The following PHF14 variants were observed in gnomAD, a reference collection of about 807,000 sequenced individuals.
PHF14 encodes PHD finger protein 14.
In PHF14, 55 loss-of-function variants were observed where a neutral mutation model predicts 117.9. The ratio of observed to expected loss-of-function variants is 0.47; its 90% CI spans 0.38 to 0.58. The LOEUF is 0.58. Among genes scored for constraint, PHF14 ranks in the 20% least tolerant of loss-of-function variants. The probability of loss-of-function intolerance (pLI) is 0.00; values close to 1 mark genes in which losing one functional copy is unlikely to be tolerated. For synonymous variants in PHF14, 409 were observed against 368.6 expected (o/e 1.11, Z -1.26); for missense variants, 978 against 1,122.2 (o/e 0.87, Z 1.84).
At position 11,006,759 on chromosome 7, in the gene PHF14, T is replaced by G. The variant is rs995052627; in HGVS notation, c.1046-6988T>G. 1.2e-5 allele frequency: 9 copies of G among 727,236 alleles called. No homozygotes were observed. The African/African-American group carries it at 1.6e-4, about 13-fold the overall frequency. 45.0% of individuals were successfully genotyped at this position (727,236 alleles called of 1,614,324 possible). On this transcript the variant is annotated intron_variant, in intron 4 of 17. Transcript: ENST00000634607. ...GAAGGTGGGTGACATGCGGATCTTC[T>G]TTTTTGGTGGCTGTGGACACCTTTC...
Position 11,077,659 on chromosome 7 carries a change from A to G in PHF14, c.2654+15574A>G, listed in dbSNP as rs118170990. The stretch of plus-strand genomic sequence containing the variant: ...CACACTGTATTTGCATTTTGTGAGT[A>G]TGATTTGGAGAACAGATATACCTCG... On this transcript the variant is annotated intron_variant, in intron 16 of 17. Coordinates refer to ENST00000634607, the MANE Select transcript of PHF14 (RefSeq NM_001007157.2). Among the ~76,000 whole-genome samples, 258 of 150,286 alleles carry G rather than the reference A, an allele frequency of 1.7e-3. 7 individuals are homozygous for G. In the East Asian group the frequency reaches 0.047, roughly 28 times the overall value.
At chr7:11,000,029 A>G (rs1386863952) in intron 4 of PHF14, among the ~76,000 whole-genome samples, 1 of 152,206 alleles carries the variant, frequency 6.6e-6, no homozygotes, top group Non-Finnish European at 1.5e-5. Flanking sequence ...ATTGATGCAT[A>G]AATAGGGAAG....
At chr7:11,042,135 TTTAA>T (rs1323039563) in intron 12 of PHF14, among the ~76,000 whole-genome samples, 2 of 151,980 alleles carry the variant, frequency 1.3e-5, no homozygotes, top group Admixed American at 6.6e-5. Context: ...TACTTTTGAA[TTTAA>T]TTAGTATATT....
At chr7:11,076,192 A>G (rs1051123775) in intron 16 of PHF14, among the ~76,000 whole-genome samples, 39 of 152,240 alleles carry the variant, frequency 2.6e-4, no homozygotes, top group African/African-American at 9.2e-4. Flanking sequence ...TACAGAGTCC[A>G]TGGTTTTAAC....
At chr7:11,045,591 G>A (rs1784637148) in intron 13 of PHF14, among the ~76,000 whole-genome samples, 1 of 152,132 alleles carries the variant, frequency 6.6e-6, no homozygotes, top group South Asian at 2.1e-4. Flanking sequence ...TCCAGTACCA[G>A]CACTGTTTTC....
At chr7:11,139,523 A>G (rs183229517) in intron 17 of PHF14, among the ~76,000 whole-genome samples, 1 of 152,326 alleles carries the variant, frequency 6.6e-6, no homozygotes, top group Admixed American at 6.5e-5. Flanking sequence ...TGAATTTTAT[A>G]TTGTGAGAAA....
At chr7:11,149,750 T>A (rs1457774348) in intron 17 of PHF14, among the ~76,000 whole-genome samples, 1 of 152,140 alleles carries the variant, frequency 6.6e-6, no homozygotes, top group Non-Finnish European at 1.5e-5. Flanking sequence ...CTGATGATTT[T>A]CCTCATGAAT....
chr7:11,045,573 C>G (rs560905937), intron 13 of PHF14, among the ~76,000 whole-genome samples: 1 of 152,296 alleles, frequency 6.6e-6, no homozygotes, highest in Admixed American at 6.5e-5. Flanking sequence ...TGCTATCCAG[C>G]CTTTTCTTCC....
At chr7:11,019,537 C>T (rs768001929) in intron 5 of PHF14, among the ~76,000 whole-genome samples, 4 of 152,122 alleles carry the variant, frequency 2.6e-5, no homozygotes, top group Admixed American at 6.5e-5. Context: ...TATAGTTGCT[C>T]ATAGTAGCTG....
rs1158570824 is a variant in PHF14 at position 10,998,654 on chromosome 7, GT to G, written c.1045+7809del. On this transcript the variant is annotated intron_variant, in intron 4 of 17. Transcript: ENST00000634607. ...ATTCCTGGGAGTAGGTAAAGAATAT[GT>G]TAACTCAGGAGTAGCAGCTACTTTG... Among the ~76,000 whole-genome samples the G allele has an allele frequency of 2.0e-5, 3 of 152,158 alleles. No homozygotes were observed. In the East Asian group the frequency reaches 5.8e-4, roughly 29 times the overall value.
chr7:11,111,634 A>T (rs537319025), intron 17 of PHF14, among the ~76,000 whole-genome samples, 167 bp downstream of exon 17: 1 of 152,118 alleles, frequency 6.6e-6, no homozygotes, highest in Non-Finnish European at 1.5e-5. Flanking sequence ...CTCTTAAATT[A>T]AGGAAAAAAC....
At chr7:11,024,882 C>G (rs57327184) in intron 6 of PHF14, among the ~76,000 whole-genome samples, 4,081 of 152,278 alleles carry the variant, frequency 0.027, 192 homozygotes, top group African/African-American at 0.094. Context: ...ACTTTAAAGT[C>G]TGATTATTTA....
At chr7:11,041,720 T>A (rs1226570393) in intron 12 of PHF14, among the ~76,000 whole-genome samples, 1 of 152,008 alleles carries the variant, frequency 6.6e-6, no homozygotes, top group Admixed American at 6.6e-5. Context: ...GGTTGGTTCA[T>A]TTGGAACCAT....
intron 17 of PHF14, among the ~76,000 whole-genome samples, chr7:11,114,608 C>A (rs532872695): frequency 6.6e-6 from 1 of 152,188 alleles, no homozygotes; most frequent in South Asian, 2.1e-4. Flanking sequence ...TATACCCATA[C>A]CCATGAAGTA....
At chr7:11,162,036 G>T (rs1445648265) in intron 17 of PHF14, among the ~76,000 whole-genome samples, 1 of 139,056 alleles carries the variant, frequency 7.2e-6, no homozygotes, top group Non-Finnish European at 1.6e-5. Context: ...AGTATTCTTA[G>T]CCCCTTCAGA....
At chr7:11,104,609 A>G (rs566176848) in intron 16 of PHF14, 9 of 983,898 alleles carry the variant, frequency 9.1e-6, no homozygotes, top group Admixed American at 1.2e-4. Context: ...CAGGAAGGAG[A>G]TGAAATGTCT....
intron 16 of PHF14, chr7:11,071,200 A>T (rs1334429426): frequency 2.0e-6 from 1 of 503,736 alleles, no homozygotes. Context: ...AGAATACCTT[A>T]GGCTGTAACC....
In PHF14 at chr7:11,022,932, C is replaced by T. The variant is rs1331384405; in HGVS notation, c.1270C>T (p.Arg424Ter). 4 of 1,610,052 alleles carry T rather than the reference C, an allele frequency of 2.5e-6. No homozygotes were observed. The highest frequency in any genetic ancestry group is 1.7e-5 in the Admixed American group (1 of 59,794). Residue 424 changes from arginine to a stop codon, truncating the protein, a stop_gained, in exon 6 of 18, where the codon CGA becomes TGA. Transcript: ENST00000634607. LOFTEE classifies it high-confidence loss of function. ...GVAFGDIDKL[R>*]PVTLTEMNYS... ...AGCCTTTGGAGATATTGACAAATTACGACCAGTAACACTAACGGAAATGAA... is the reference window on the plus strand; with the variant it reads ...AGCCTTTGGAGATATTGACAAATTATGACCAGTAACACTAACGGAAATGAA...
intron 17 of PHF14, among the ~76,000 whole-genome samples, chr7:11,153,624 G>A (rs955647610): frequency 1.3e-5 from 2 of 152,026 alleles, no homozygotes; most frequent in South Asian, 2.1e-4. Flanking sequence ...GGATAGCAGA[G>A]TTCTAAGGAC....
Sources: allele counts gnomAD v4.1 joint callset (sites outside exome capture counted in the v4.1 genomes callset), GRCh38; gene constraint gnomAD v4.1.1; transcripts MANE v1.5; gene names NCBI Gene and HGNC (gene_info 2026-07-23, HGNC 2026-07-21).